The following RPSA2 variants were observed in gnomAD, a reference collection of about 807,000 sequenced individuals.
RPSA2 encodes ribosomal protein SA 2, also known as small ribosomal subunit protein uS2B.
the RPSA2 span, among the ~76,000 whole-genome samples, chr19:23,831,145 C>A: frequency 6.6e-6 from 1 of 152,022 alleles, no homozygotes; most frequent in South Asian, 2.1e-4. Context: ...ACTCTCATTT[C>A]AAAATATGCC....
chr19:23,770,831 C>T, the RPSA2 span, among the ~76,000 whole-genome samples: 7 of 152,134 alleles, frequency 4.6e-5, no homozygotes, highest in Admixed American at 4.6e-4. Context: ...CTGCCTTATC[C>T]CTGCCCTCAG....
At chr19:23,799,668 G>T in the RPSA2 span, among the ~76,000 whole-genome samples, 54,066 of 56,226 alleles carry the variant, frequency 0.96, 26,313 homozygotes, top group Middle Eastern at 1. Flanking sequence ...CCTCAGGGAG[G>T]AGAGAGGTAC....
the RPSA2 span, among the ~76,000 whole-genome samples, chr19:23,821,502 G>GCCC: frequency 2.6e-5 from 4 of 152,174 alleles, no homozygotes; most frequent in Admixed American, 6.5e-5. Context: ...CTTCTTCCCT[G>GCCC]CCTCCCCCAC....
the RPSA2 span, among the ~76,000 whole-genome samples, chr19:23,867,072 G>T: frequency 1.3e-5 from 2 of 152,086 alleles, no homozygotes; most frequent in East Asian, 3.9e-4. Context: ...GAAATAAAGG[G>T]TTTGGGAGCA....
the RPSA2 span, among the ~76,000 whole-genome samples, chr19:23,794,863 A>G: frequency 2.6e-5 from 4 of 152,154 alleles, no homozygotes; most frequent in Admixed American, 6.5e-5. Flanking sequence ...TGATTTTTGT[A>G]TATGGTGTAA....
chr19:23,821,773 G>A, the RPSA2 span, among the ~76,000 whole-genome samples: 14 of 152,138 alleles, frequency 9.2e-5, no homozygotes, highest in Admixed American at 6.5e-4. Flanking sequence ...CTCTTGGCTC[G>A]CTGTTCAACT....
At chr19:23,846,642 A>T in the RPSA2 span, among the ~76,000 whole-genome samples, 2 of 152,140 alleles carry the variant, frequency 1.3e-5, no homozygotes, top group African/African-American at 4.8e-5. Context: ...TTGATGTAAA[A>T]TTTTTGGCTG....
At chr19:23,773,755 C>T in the RPSA2 span, among the ~76,000 whole-genome samples, 3 of 152,234 alleles carry the variant, frequency 2.0e-5, no homozygotes, top group South Asian at 2.1e-4. Context: ...ACACTTAGAG[C>T]AAGATTCAGC....
At chr19:23,770,697 A>T in the RPSA2 span, among the ~76,000 whole-genome samples, 3 of 152,124 alleles carry the variant, frequency 2.0e-5, no homozygotes, top group Non-Finnish European at 2.9e-5. Flanking sequence ...CCTTGCCCAC[A>T]GATCATTGTA....
chr19:23,865,460 G>A, the RPSA2 span, among the ~76,000 whole-genome samples: 1 of 152,090 alleles, frequency 6.6e-6, no homozygotes, highest in Non-Finnish European at 1.5e-5. Flanking sequence ...AGACCCTTCT[G>A]TTTTTTCTGC....
chr19:23,791,886 C>A, the RPSA2 span, among the ~76,000 whole-genome samples: 1 of 151,924 alleles, frequency 6.6e-6, no homozygotes, highest in Non-Finnish European at 1.5e-5. Flanking sequence ...ATTATAGGTG[C>A]CTGCCACCAC....
the RPSA2 span, among the ~76,000 whole-genome samples, chr19:23,869,009 G>C: frequency 6.6e-6 from 1 of 152,174 alleles, no homozygotes; most frequent in Non-Finnish European, 1.5e-5. Flanking sequence ...AAAAACCCCT[G>C]ATTCCATGTT....
chr19:23,801,802 G>A, the RPSA2 span, among the ~76,000 whole-genome samples: 5 of 152,090 alleles, frequency 3.3e-5, no homozygotes, highest in South Asian at 2.1e-4. Context: ...TAGATTCCAG[G>A]CATCTTGAAT....
the RPSA2 span, among the ~76,000 whole-genome samples, chr19:23,854,743 G>T: frequency 9.8e-4 from 149 of 152,290 alleles, no homozygotes; most frequent in African/African-American, 3.2e-3. Context: ...TGCAATTATA[G>T]CAGGCTCCAA....
the RPSA2 span, among the ~76,000 whole-genome samples, chr19:23,795,279 T>A: frequency 6.6e-6 from 1 of 152,100 alleles, no homozygotes; most frequent in Non-Finnish European, 1.5e-5. Context: ...TGACCATTTT[T>A]AGGATATTGA....
chr19:23,864,844 C>A, the RPSA2 span, among the ~76,000 whole-genome samples: 4 of 151,932 alleles, frequency 2.6e-5, no homozygotes, highest in Non-Finnish European at 4.4e-5. Flanking sequence ...AGAATGCTGT[C>A]ATGCAGGCCT....
the RPSA2 span, among the ~76,000 whole-genome samples, chr19:23,850,155 C>G: frequency 6.6e-6 from 1 of 151,256 alleles, no homozygotes; most frequent in Admixed American, 6.6e-5. Context: ...CATCCACACA[C>G]TATTGTTAGT....
At chr19:23,776,955 C>T in the RPSA2 span, among the ~76,000 whole-genome samples, 1 of 152,186 alleles carries the variant, frequency 6.6e-6, no homozygotes, top group African/African-American at 2.4e-5. Context: ...GGGCCCAGCA[C>T]CTAGGTGATA....
the RPSA2 span, among the ~76,000 whole-genome samples, chr19:23,762,293 C>T: frequency 1.3e-5 from 2 of 151,950 alleles, no homozygotes; most frequent in African/African-American, 4.8e-5. Context: ...GGCCATCCCA[C>T]GATGTGGTCA....
Sources: gnomAD v4.1 joint callset for allele counts (sites outside exome capture counted in the v4.1 genomes callset) on GRCh38, gnomAD v4.1.1 for gene constraint, MANE v1.5 for transcripts, NCBI Gene and HGNC (gene_info 2026-07-23, HGNC 2026-07-21) for gene names.